Variants in NEMP2 observed in about 807,000 individuals in gnomAD.
The protein encoded by NEMP2 is UPF0571 transmembrane protein.
A neutral mutation model predicts 54.2 loss-of-function variants in NEMP2; 53 were observed. The ratio of observed to expected loss-of-function variants is 0.98; its 90% CI spans 0.78 to 1.23. The LOEUF (loss-of-function observed/expected upper bound fraction) is 1.23. NEMP2 is among the 50% of genes most tolerant of loss of function. The probability of loss-of-function intolerance (pLI) is 0.00; values close to 1 mark genes in which losing one functional copy is unlikely to be tolerated. For synonymous variants in NEMP2, 197 were observed against 190.3 expected (o/e 1.04, Z -0.29); for missense variants, 455 against 511.3 (o/e 0.89, Z 1.06).
the NEMP2 span, among the ~76,000 whole-genome samples, chr2:190,569,388 G>C: frequency 3.8e-5 from 3 of 79,010 alleles, no homozygotes; most frequent in Non-Finnish European, 7.4e-5. Context: ...CCATTACCTT[G>C]AGACAAATTT....
Position 190,508,851 on chromosome 2 carries a change from T to A in NEMP2, c.*338A>T, listed in dbSNP as rs1030720569. ...ACAGGTTCAGGGGATTAAGACCAGA[T>A]TTAGTGCCCTGGTGTCGACAAAGCA... On this transcript the variant is annotated 3_prime_UTR_variant, in exon 9 of 9. Coordinates refer to ENST00000409150, the MANE Select transcript of NEMP2 (RefSeq NM_001142645.2). The surrounding 1 kb of genome is among the most constrained non-coding windows in gnomAD (Gnocchi z 4.3). The A allele has an allele frequency of 3.6e-6, 1 of 274,770 alleles. No individual in the cohort carries two copies. The highest frequency in any genetic ancestry group is 2.2e-5 in the African/African-American group (1 of 45,432). The allele number at this position is 274,770 out of a possible 1,614,324, so 17.0% of individuals were successfully genotyped here.
chr2:190,645,023 G>A, the NEMP2 span, among the ~76,000 whole-genome samples: 12 of 152,212 alleles, frequency 7.9e-5, no homozygotes, highest in Non-Finnish European at 1.2e-4. Context: ...TTATGAACAC[G>A]CCTGTAAAAT....
the NEMP2 span, among the ~76,000 whole-genome samples, chr2:190,448,532 A>T: frequency 6.6e-6 from 1 of 152,244 alleles, no homozygotes; most frequent in Non-Finnish European, 1.5e-5. Flanking sequence ...TGTCAACACT[A>T]TGATGTTGAC....
chr2:190,510,683 GGT>G lies in NEMP2; in HGVS notation c.954-148_954-147del. On this transcript the variant is annotated intron_variant, in intron 7 of 8. Coordinates refer to ENST00000409150, the MANE Select transcript of NEMP2 (RefSeq NM_001142645.2). This position sits in a 1 kb window ranked among gnomAD's most constrained non-coding sequence, Gnocchi z 5.7. ...GATCACGAGGTCAGGAGATTGAGAC[GGT>G]CCTGGCTAACAAGGTGAAACACTGT... 2.8e-6 allele frequency: 2 copies of G among 719,494 alleles called. No individual in the cohort carries two copies. Among genetic ancestry groups the G allele is most frequent in the South Asian group, 1.8e-5 (1 of 54,296 alleles). 44.6% of individuals were successfully genotyped at this position (719,494 alleles called of 1,614,324 possible). A position where few individuals can be genotyped will look rare whatever the true frequency, so the allele number is the denominator to read the frequency against.
the NEMP2 span, among the ~76,000 whole-genome samples, chr2:190,459,767 T>C: frequency 6.6e-6 from 1 of 152,242 alleles, no homozygotes; most frequent in African/African-American, 2.4e-5. This position sits in a 1 kb window ranked among gnomAD's most constrained non-coding sequence, Gnocchi z 5.3. Context: ...GGGAAGAATC[T>C]GAACACAACA....
chr2:190,577,953 A>G, the NEMP2 span, among the ~76,000 whole-genome samples: 3 of 152,244 alleles, frequency 2.0e-5, no homozygotes, highest in African/African-American at 7.2e-5. The surrounding 1 kb of genome is among the most constrained non-coding windows in gnomAD (Gnocchi z 4.8). Context: ...ATAAACCAAT[A>G]CATTCTATAT....
At chr2:190,455,645 GA>G in the NEMP2 span, among the ~76,000 whole-genome samples, 2 of 152,106 alleles carry the variant, frequency 1.3e-5, no homozygotes, top group African/African-American at 4.8e-5. Context: ...CATGAGATAT[GA>G]AGTGGAAAAA....
At chr2:190,642,580 A>G in the NEMP2 span, among the ~76,000 whole-genome samples, 1 of 152,158 alleles carries the variant, frequency 6.6e-6, no homozygotes, top group Non-Finnish European at 1.5e-5. The surrounding 1 kb of genome is among the most constrained non-coding windows in gnomAD (Gnocchi z 4.1). Flanking sequence ...ATTTCCATGC[A>G]TTTAAAAGTT....
the NEMP2 span, chr2:190,627,740 A>T: frequency 6.6e-6 from 1 of 152,246 alleles, no homozygotes; most frequent in Non-Finnish European, 1.5e-5. This position sits in a 1 kb window ranked among gnomAD's most constrained non-coding sequence, Gnocchi z 4.4. Flanking sequence ...GCTTCCAAAG[A>T]TGTGCCACCA....
At chr2:190,581,794 T>C in the NEMP2 span, among the ~76,000 whole-genome samples, 1 of 152,178 alleles carries the variant, frequency 6.6e-6, no homozygotes, top group Non-Finnish European at 1.5e-5. Flanking sequence ...AGTACATGTC[T>C]AGTGCCGTGC....
the NEMP2 span, among the ~76,000 whole-genome samples, chr2:190,599,974 G>A: frequency 2.6e-5 from 4 of 152,256 alleles, no homozygotes; most frequent in Admixed American, 2.0e-4. Context: ...GGAGCACAGC[G>A]GCTTTCACAC....
At chr2:190,500,375 G>A, downstream of NEMP2, 1 of 740,430 alleles carries the variant, frequency 1.4e-6, no homozygotes, top group Non-Finnish European at 2.2e-6. The surrounding 1 kb of genome is among the most constrained non-coding windows in gnomAD (Gnocchi z 5.3). Flanking sequence ...ACACACACAG[G>A]AGCTACAGTA....
chr2:190,512,236 A>G lies in NEMP2; in HGVS notation c.954-1699T>C, dbSNP rs1690392735. ...CAGTTCAGAGCCTCACTTTGCTCAT[A>G]TGAAAAAAATTAAAATGAAAGCAAT... On this transcript the variant is annotated intron_variant, in intron 7 of 8. Transcript: ENST00000409150. The surrounding 1 kb of genome is among the most constrained non-coding windows in gnomAD (Gnocchi z 4.5). Among the ~76,000 whole-genome samples, 3 of 152,140 alleles carry G rather than the reference A, an allele frequency of 2.0e-5. No homozygotes were observed. The South Asian group carries it at 6.2e-4, about 31-fold the overall frequency.
At chr2:190,466,130 G>T in the NEMP2 span, among the ~76,000 whole-genome samples, 107,571 of 151,928 alleles carry the variant, frequency 0.71, 39,223 homozygotes, top group Admixed American at 0.79. Flanking sequence ...TAATCTCTTG[G>T]AAAAACACCA....
the NEMP2 span, among the ~76,000 whole-genome samples, chr2:190,546,178 G>A: frequency 6.6e-6 from 1 of 152,052 alleles, no homozygotes; most frequent in Non-Finnish European, 1.5e-5. The surrounding 1 kb of genome is among the most constrained non-coding windows in gnomAD (Gnocchi z 5.1). Flanking sequence ...ATATCTGTGT[G>A]TTCCGCATCC....
chr2:190,477,252 C>G, the NEMP2 span: 1 of 983,354 alleles, frequency 1.0e-6, no homozygotes. Flanking sequence ...AAGAATGATT[C>G]AATAACAAGG....
the NEMP2 span, among the ~76,000 whole-genome samples, chr2:190,455,934 CTTTTTT>C: frequency 1.5e-5 from 1 of 65,370 alleles, no homozygotes; most frequent in Non-Finnish European, 2.5e-5. Context: ...ATTTACTCTG[CTTTTTT>C]TTTTTTTTTT....
chr2:190,510,432 C>G lies in NEMP2; in HGVS notation c.1059G>C (p.Glu353Asp). ...ADAETNSALE[E>D]LRRACRKPDF... ...CGGGTTTTCGGCAGGCCCGGCGTAG[C>G]TCCTCCAGAGCACTGTTCGTTTCAG... The change falls in exon 8 of 9, where the codon GAG becomes GAC. Residue 353 changes from glutamate to aspartate, a missense_variant. This residue lies in a region of NEMP2 where 294 missense variants were observed against 333.6 expected (regional missense o/e 0.88). Transcript: ENST00000409150. The surrounding 1 kb of genome is among the most constrained non-coding windows in gnomAD (Gnocchi z 5.7). 6.4e-7 allele frequency: 1 copy of G among 1,551,768 alleles called. No individual in the cohort carries two copies. The highest frequency in any genetic ancestry group is 8.7e-7 in the Non-Finnish European group (1 of 1,147,004).
rs775621267 is a variant in NEMP2, at chr2:190,519,076, G to A, written c.321C>T (p.Asn107=). 9 of 1,550,944 alleles carry A rather than the reference G, an allele frequency of 5.8e-6. No individual in the cohort carries two copies. The highest frequency in any genetic ancestry group is 7.8e-6 in the Non-Finnish European group (9 of 1,146,644). ...ILSFIKCVIH[N]FWIPKESNEI... ...CGTTAGATTCCTTTGGTATCCAAAA[G>A]TTATGAATCACACATTTGATAAAAG... Residue 107 remains asparagine, a synonymous_variant, in exon 3 of 9, where the codon AAC becomes AAT. Coordinates refer to ENST00000409150, the MANE Select transcript of NEMP2 (RefSeq NM_001142645.2). The surrounding 1 kb of genome is among the most constrained non-coding windows in gnomAD (Gnocchi z 5.4).
Sources: allele counts gnomAD v4.1 joint callset (sites outside exome capture counted in the v4.1 genomes callset), GRCh38; gene constraint gnomAD v4.1.1; regional missense constraint gnomAD v4.1.1; non-coding constraint Gnocchi (gnomAD v3.1); transcripts MANE v1.5; gene names NCBI Gene and HGNC (gene_info 2026-07-23, HGNC 2026-07-21).